RUSC2: variants seen among roughly 807,000 people sequenced by gnomAD.
RUSC2 encodes the protein AP-4 complex accessory subunit RUSC2.
In RUSC2, 34 loss-of-function variants were observed where a neutral mutation model predicts 122.2. The ratio of observed to expected loss-of-function variants is 0.28; its 90% CI spans 0.21 to 0.37. RUSC2 has a LOEUF of 0.37. Ranked by LOEUF, RUSC2 falls within the 10% of genes least tolerant of loss-of-function variation. The pLI, the probability that RUSC2 is intolerant of heterozygous loss-of-function variation, is 1.00. For missense variants in RUSC2, 1,747 were observed against 1,952.4 expected, an observed-to-expected ratio of 0.89 and a Z score of 1.98; for synonymous variants, 784 against 790.0, an observed-to-expected ratio of 0.99 and a Z score of 0.13.
intron 2 of RUSC2, among the ~76,000 whole-genome samples, chr9:35,549,548 A>G (rs1336439609): frequency 6.6e-6 from 1 of 152,234 alleles, no homozygotes; most frequent in Non-Finnish European, 1.5e-5. Context: ...CGTACTGGCC[A>G]GTGAAAGGGG....
rs775834505 is a variant in RUSC2, at chr9:35,560,243, T to G, written c.3603T>G (p.Ser1201=). The change falls in exon 10 of 12, where the codon TCT becomes TCG. Residue 1201 remains serine (S), a synonymous_variant. Transcript: ENST00000361226. ...GGGTGTCCCAGGACCTGCTGCTGTC[T>G]GCCCACTCCACGCTGCAGCTGGCCC... The part of the protein sequence containing the change: ...LLRVSQDLLL[S]AHSTLQLARA... The G allele has an allele frequency of 1.3e-6, 2 of 1,599,734 alleles. No homozygotes were observed. Among genetic ancestry groups the G allele is most frequent in the East Asian group, 4.5e-5 (2 of 44,696 alleles).
intron 1 of RUSC2, among the ~76,000 whole-genome samples, chr9:35,534,485 C>T (rs1821485097): frequency 6.7e-6 from 1 of 149,258 alleles, no homozygotes; most frequent in Non-Finnish European, 1.5e-5. Context: ...TATTTATTTA[C>T]TTATTTATTT....
intron 1 of RUSC2, among the ~76,000 whole-genome samples, chr9:35,513,917 T>C (rs983380318): frequency 3.8e-4 from 55 of 143,516 alleles, no homozygotes; most frequent in African/African-American, 1.3e-3. Flanking sequence ...TATATATATA[T>C]ATATATATAT....
intron 1 of RUSC2, among the ~76,000 whole-genome samples, chr9:35,491,699 C>T (rs7875883): frequency 5.3e-5 from 8 of 152,182 alleles, no homozygotes; most frequent in Non-Finnish European, 8.8e-5. Flanking sequence ...CCTGTAATCC[C>T]GGCACTTTGG....
Position 35,561,114 on chromosome 9 carries a change from G to C in RUSC2, c.4349+17G>C, listed in dbSNP as rs755537691. ...TCCTCCGTGGTAAGCCTGGGGAAAC[G>C]GAAGGGCTGAGGGGGGCGGGGGGCT... On this transcript the variant is annotated intron_variant, in intron 11 of 11. Coordinates refer to ENST00000361226, the MANE Select transcript of RUSC2 (RefSeq NM_014806.5). 6.2e-7 allele frequency: 1 copy of C among 1,613,780 alleles called. No individual in the cohort carries two copies. Among genetic ancestry groups the C allele is most frequent in the Non-Finnish European group, 8.5e-7 (1 of 1,179,818 alleles).
chr9:35,558,032 C>G lies in RUSC2; in HGVS notation c.3060+42C>G, dbSNP rs1197908019. 1.3e-6 allele frequency: 2 copies of G among 1,592,812 alleles called. No homozygotes were observed. The highest frequency in any genetic ancestry group is 1.7e-6 in the Non-Finnish European group (2 of 1,160,772). ...GGAGAGCTGAGCTCTGCCTGCAAGC[C>G]CTCACCTGTCCCGCGCTACCACCTT... On this transcript the variant is annotated intron_variant, in intron 6 of 11. Transcript: ENST00000361226. This position sits in a 1 kb window ranked among gnomAD's most constrained non-coding sequence, Gnocchi z 4.3.
At position 35,558,398 on chromosome 9, in the gene RUSC2, C is replaced by G; in HGVS notation, c.3235+27C>G. The G allele has an allele frequency of 6.2e-7, 1 of 1,613,842 alleles. No individual in the cohort carries two copies. Among genetic ancestry groups the G allele is most frequent in the South Asian group, 1.1e-5 (1 of 91,068 alleles). ...TAGGTGCTGGGTGCCAAGACGGGGA[C>G]CCAGGGCTGAATTTAGGGCTCCAGA... is the stretch of plus-strand genomic sequence containing the variant. On this transcript the variant is annotated intron_variant, in intron 7 of 11. Coordinates refer to ENST00000361226, the MANE Select transcript of RUSC2 (RefSeq NM_014806.5). The surrounding 1 kb of genome is among the most constrained non-coding windows in gnomAD (Gnocchi z 4.3).
chr9:35,501,787 ATTAAT>A (rs1183119912), intron 1 of RUSC2, among the ~76,000 whole-genome samples: 2 of 152,196 alleles, frequency 1.3e-5, no homozygotes, highest in African/African-American at 4.8e-5. Context: ...CTTAGCCTTA[ATTAAT>A]TTAATGAGTT....
chr9:35,512,975 A>G (rs183726702), intron 1 of RUSC2, among the ~76,000 whole-genome samples: 4 of 152,308 alleles, frequency 2.6e-5, no homozygotes, highest in Admixed American at 2.0e-4. Context: ...CCCTCCTTGT[A>G]TAGTTTTGTC....
At chr9:35,529,313 G>A (rs568573280) in intron 1 of RUSC2, among the ~76,000 whole-genome samples, 3 of 151,918 alleles carry the variant, frequency 2.0e-5, no homozygotes, top group South Asian at 4.2e-4. Context: ...CTGGGAACAC[G>A]GCAAACTGAA....
intron 1 of RUSC2, among the ~76,000 whole-genome samples, chr9:35,504,122 C>T (rs1200745849): frequency 1.3e-5 from 2 of 152,206 alleles, no homozygotes; most frequent in Non-Finnish European, 2.9e-5. Context: ...TCTTTGTCCA[C>T]ATCTCTGATA....
Position 35,546,328 on chromosome 9 carries a change from T to C in RUSC2, c.-92-102T>C. Reference sequence around the variant, plus strand: ...GCTCCATCTTGACTCAAGCCTTTTCTCTTCCTGGGCTCTTCTCCATCTGAA... The same window carrying C: ...GCTCCATCTTGACTCAAGCCTTTTCCCTTCCTGGGCTCTTCTCCATCTGAA... On this transcript the variant is annotated intron_variant, in intron 1 of 11. Transcript: ENST00000361226. The surrounding 1 kb of genome is among the most constrained non-coding windows in gnomAD (Gnocchi z 4.3). The C allele has an allele frequency of 2.5e-6, 1 of 396,902 alleles. No homozygotes were observed. Among genetic ancestry groups the C allele is most frequent in the Non-Finnish European group, 4.4e-6 (1 of 227,556 alleles). The allele number at this position is 396,902 out of a possible 1,614,324, so 24.6% of individuals were successfully genotyped here.
chr9:35,538,390 T>C (rs1564258762), intron 1 of RUSC2, among the ~76,000 whole-genome samples: 1 of 152,162 alleles, frequency 6.6e-6, no homozygotes, highest in African/African-American at 2.4e-5. Context: ...AGGACTGAGT[T>C]CGAGTTACTG....
chr9:35,540,541 C>G (rs1387994304), intron 1 of RUSC2, among the ~76,000 whole-genome samples: 1 of 152,062 alleles, frequency 6.6e-6, no homozygotes, highest in Non-Finnish European at 1.5e-5. Flanking sequence ...ATGTGAACCA[C>G]AAGAGCAGGG....
chr9:35,493,860 C>T (rs1235547451), intron 1 of RUSC2, among the ~76,000 whole-genome samples: 1 of 152,040 alleles, frequency 6.6e-6, no homozygotes, highest in African/African-American at 2.4e-5. Flanking sequence ...ACACTATATT[C>T]TGTTTATTCA....
chr9:35,542,940 G>C (rs1821670199), intron 1 of RUSC2, among the ~76,000 whole-genome samples: 1 of 152,156 alleles, frequency 6.6e-6, no homozygotes. Flanking sequence ...AATGCCTCTT[G>C]AAAATGCTTT....
chr9:35,558,260 C>G lies in RUSC2; in HGVS notation c.3124C>G (p.Pro1042Ala). Residue 1042 changes from proline (P) to alanine (A), a missense_variant, in exon 7 of 12, where the codon CCT (proline) becomes GCT (alanine). Pro to Ala is a conservative substitution (Grantham distance 27). Coordinates refer to ENST00000361226, the MANE Select transcript of RUSC2 (RefSeq NM_014806.5). This position sits in a 1 kb window ranked among gnomAD's most constrained non-coding sequence, Gnocchi z 4.3. ...VGHLVLKYLC[P>A]AVRAVLEDGL... ...CCACCTGGTTCTGAAGTACTTGTGC[C>G]CTGCCGTCCGCGCCGTGCTGGAGGA... is the stretch of plus-strand genomic sequence containing the variant. 6.2e-7 allele frequency: 1 copy of G among 1,614,122 alleles called. No individual in the cohort carries two copies. Among genetic ancestry groups the G allele is most frequent in the Non-Finnish European group, 8.5e-7 (1 of 1,180,030 alleles).
chr9:35,548,833 C>T lies in RUSC2; in HGVS notation c.2014+298C>T, dbSNP rs1405520757. ...TCACTTGAGGTCAGGAGTTTGAGACCAGCCTGGCCAACATAATGAAACCCC... is the reference window on the plus strand; with the variant it reads ...TCACTTGAGGTCAGGAGTTTGAGACTAGCCTGGCCAACATAATGAAACCCC... On this transcript the variant is annotated intron_variant, in intron 2 of 11. Coordinates refer to ENST00000361226, the MANE Select transcript of RUSC2 (RefSeq NM_014806.5). The surrounding 1 kb of genome is among the most constrained non-coding windows in gnomAD (Gnocchi z 4.5). 1.1e-5 allele frequency: 8 copies of T among 751,226 alleles called. No homozygotes were observed. The East Asian group carries it at 7.8e-4, about 73-fold the overall frequency. The allele number at this position is 751,226 out of a possible 1,614,324, so 46.5% of individuals were successfully genotyped here.
At position 35,546,420 on chromosome 9, in the gene RUSC2, C is replaced by A; in HGVS notation, c.-92-10C>A. 1 of 885,946 alleles carries A rather than the reference C, an allele frequency of 1.1e-6. No homozygotes were observed. Among genetic ancestry groups the A allele is most frequent in the Non-Finnish European group, 1.5e-6 (1 of 645,662 alleles). 54.9% of individuals were successfully genotyped at this position (885,946 alleles called of 1,614,324 possible). On this transcript the variant is annotated splice_polypyrimidine_tract_variant and intron_variant, in intron 1 of 11. Transcript: ENST00000361226. This position sits in a 1 kb window ranked among gnomAD's most constrained non-coding sequence, Gnocchi z 4.3. ...GACATTAGGTTCCCTTTCTTTCCCT[C>A]TCTCTCCAGGTGCCAAGCTCTCCTG...
Sources: gnomAD v4.1 joint callset for allele counts (sites outside exome capture counted in the v4.1 genomes callset) on GRCh38, gnomAD v4.1.1 for gene constraint, Gnocchi (gnomAD v3.1) non-coding constraint, MANE v1.5 for transcripts, NCBI Gene and HGNC (gene_info 2026-07-23, HGNC 2026-07-21) for gene names.